The following SLC7A14 variants were observed in gnomAD, a reference collection of about 807,000 sequenced individuals.
SLC7A14 encodes gamma-aminobutyric acid transporter SLC7A14.
SLC7A14 carries 37 observed loss-of-function variants against 60.2 expected under a neutral mutation model. The observed-to-expected ratio is 0.61, with a 90% CI of 0.47 to 0.81. SLC7A14 has a LOEUF of 0.81. Among genes scored for constraint, SLC7A14 ranks in the 30% least tolerant of loss-of-function variants. SLC7A14 has a pLI of 0.00. For synonymous variants in SLC7A14, 399 were observed against 395.8 expected, an observed-to-expected ratio of 1.01 and a Z score of -0.10; for missense variants, 886 against 982.7, an observed-to-expected ratio of 0.90 and a Z score of 1.32.
At chr3:170,538,888 T>A (rs551999657) in intron 1 of SLC7A14, among the ~76,000 whole-genome samples, 73 of 152,224 alleles carry the variant, frequency 4.8e-4, no homozygotes, top group African/African-American at 1.7e-3. Flanking sequence ...CTATTCACAT[T>A]TCCATGTTCC....
At chr3:170,467,815 C>G (rs529883829) in intron 7 of SLC7A14, among the ~76,000 whole-genome samples, 2 of 152,320 alleles carry the variant, frequency 1.3e-5, no homozygotes, top group South Asian at 4.1e-4. Flanking sequence ...ATTTATGGAT[C>G]AGCAACAGTT....
intron 7 of SLC7A14, among the ~76,000 whole-genome samples, chr3:170,470,491 C>G (rs1739866186): frequency 6.6e-6 from 1 of 151,944 alleles, no homozygotes; most frequent in African/African-American, 2.4e-5. Context: ...GTGTATCACT[C>G]TGTCTTCAAA....
rs1405956795 is a variant in SLC7A14 at position 170,475,838 on chromosome 3, G to A, written c.1993+4451C>T. The stretch of plus-strand genomic sequence containing the variant: ...AGAGATTCTCCTGCCTCAGTCTCCC[G>A]AGTAGCTGGGATTACAGGTGCCCGC... On this transcript the variant is annotated intron_variant, in intron 7 of 7. Transcript: ENST00000231706. Among the ~76,000 whole-genome samples, 7 of 152,084 alleles carry A rather than the reference G, an allele frequency of 4.6e-5. No individual in the cohort carries two copies. The East Asian group carries it at 9.7e-4, about 21-fold the overall frequency.
intron 1 of SLC7A14, among the ~76,000 whole-genome samples, chr3:170,543,956 G>T (rs927735926): frequency 1.3e-5 from 2 of 151,710 alleles, no homozygotes; most frequent in Non-Finnish European, 2.9e-5. Context: ...CACTATGTTG[G>T]CCTGGCTGGT....
chr3:170,484,718 G>A (rs961241003), intron 5 of SLC7A14, among the ~76,000 whole-genome samples: 4 of 152,206 alleles, frequency 2.6e-5, no homozygotes, highest in African/African-American at 9.6e-5. Context: ...CTCATGGTGG[G>A]GGAGGGGCTG....
Position 170,480,991 on chromosome 3 carries a change from A to G in SLC7A14, c.1291T>C (p.Tyr431His), listed in dbSNP as rs1711795939. ...LVSVCVLLLR[Y>H]QPESDIDGFV... ...CCATCAATGTCACTCTCAGGTTGGT[A>G]TCGAAGGAGCAAGACACAGACAGAG... The change falls in exon 7 of 8, where the codon TAC (tyrosine) becomes CAC (histidine). Residue 431 changes from tyrosine to histidine, a missense_variant. Tyr to His is a moderately conservative substitution (Grantham distance 83). Transcript: ENST00000231706. 1 of 1,613,998 alleles carries G rather than the reference A, an allele frequency of 6.2e-7. No homozygotes were observed. Among genetic ancestry groups the G allele is most frequent in the Admixed American group, 1.7e-5 (1 of 59,986 alleles).
At chr3:170,543,900 C>A (rs1378031151) in intron 1 of SLC7A14, among the ~76,000 whole-genome samples, 1 of 151,502 alleles carries the variant, frequency 6.6e-6, no homozygotes, top group Admixed American at 6.6e-5. Context: ...CAGGCATGTG[C>A]CACCATGCCT....
rs188069247 is a variant in SLC7A14, at chr3:170,518,969, C to T, written c.304+7664G>A. ...GGATTGACTGTACTATATCTCCCAT[C>T]TCTGGTCCAAACTTTCCATAAAAGT... is the stretch of plus-strand genomic sequence containing the variant. On this transcript the variant is annotated intron_variant, in intron 2 of 7. Coordinates refer to ENST00000231706, the MANE Select transcript of SLC7A14 (RefSeq NM_020949.3). Among the ~76,000 whole-genome samples, 89 of 152,286 alleles carry T rather than the reference C, an allele frequency of 5.8e-4. 2 individuals are homozygous for T. In the South Asian group the frequency reaches 0.013, roughly 22 times the overall value.
chr3:170,465,932 T>A lies in SLC7A14; in HGVS notation c.*1123A>T, dbSNP rs770230968. ...GCTTCAGTGAAACTACTCTGGGAAA[T>A]AACAGGAAAAAAAAATACACCTCTG... On this transcript the variant is annotated 3_prime_UTR_variant, in exon 8 of 8. Transcript: ENST00000231706. The A allele has an allele frequency of 2.6e-5, 4 of 151,842 alleles. No homozygotes were observed. Among genetic ancestry groups the A allele is most frequent in the Non-Finnish European group, 5.9e-5 (4 of 67,936 alleles). The allele number at this position is 151,842 out of a possible 1,614,324, so 9.4% of individuals were successfully genotyped here.
intron 2 of SLC7A14, among the ~76,000 whole-genome samples, chr3:170,505,560 G>T (rs530788616): frequency 1.3e-5 from 2 of 152,236 alleles, no homozygotes; most frequent in Non-Finnish European, 2.9e-5. Flanking sequence ...AATGAATTTG[G>T]GTGTACTAGG....
intron 2 of SLC7A14, among the ~76,000 whole-genome samples, chr3:170,503,613 A>T (rs924325620): frequency 6.6e-6 from 1 of 152,118 alleles, no homozygotes; most frequent in Non-Finnish European, 1.5e-5. Context: ...CAACTTTACC[A>T]CCTGATATTG....
At chr3:170,544,823 T>G (rs1356945708) in intron 1 of SLC7A14, among the ~76,000 whole-genome samples, 1 of 152,198 alleles carries the variant, frequency 6.6e-6, no homozygotes, top group Non-Finnish European at 1.5e-5. Flanking sequence ...CACAGAGCAG[T>G]TAACATTTGT....
At chr3:170,509,757 C>G (rs1712907655) in intron 2 of SLC7A14, among the ~76,000 whole-genome samples, 1 of 151,438 alleles carries the variant, frequency 6.6e-6, no homozygotes, top group African/African-American at 2.4e-5. Context: ...CCAGCCTGAC[C>G]AACATGGAGA....
chr3:170,539,034 A>G (rs1344443768), intron 1 of SLC7A14, among the ~76,000 whole-genome samples: 1 of 152,242 alleles, frequency 6.6e-6, no homozygotes, highest in Non-Finnish European at 1.5e-5. Flanking sequence ...TAAACACTTG[A>G]GAGCTAGGAT....
chr3:170,494,338 C>A (rs1434638083), intron 4 of SLC7A14, among the ~76,000 whole-genome samples: 1 of 152,210 alleles, frequency 6.6e-6, no homozygotes, highest in Non-Finnish European at 1.5e-5. Flanking sequence ...CTTTCTTATG[C>A]CTGACTTCTG....
chr3:170,541,686 C>T (rs577165240), intron 1 of SLC7A14, among the ~76,000 whole-genome samples: 1 of 152,126 alleles, frequency 6.6e-6, no homozygotes, highest in Non-Finnish European at 1.5e-5. Context: ...ATTTTATTCT[C>T]TTCTAAAGGC....
At chr3:170,471,500 A>G (rs1291545840) in intron 7 of SLC7A14, among the ~76,000 whole-genome samples, 4 of 152,222 alleles carry the variant, frequency 2.6e-5, no homozygotes, top group Non-Finnish European at 4.4e-5. Flanking sequence ...CATCACAACT[A>G]AAAATTAATA....
At chr3:170,512,687 G>C (rs1480725317) in intron 2 of SLC7A14, among the ~76,000 whole-genome samples, 1 of 61,270 alleles carries the variant, frequency 1.6e-5, no homozygotes, top group African/African-American at 4.2e-5. Context: ...TTTTTGAGAC[G>C]GAGTCTCGCT....
intron 7 of SLC7A14, among the ~76,000 whole-genome samples, chr3:170,471,090 GGTGTGTGTGTGTGT>G (rs113891859): frequency 6.8e-6 from 1 of 146,356 alleles, no homozygotes; most frequent in Non-Finnish European, 1.5e-5. Flanking sequence ...TCTGGGAAGG[GGTGTGTGTGTGTGT>G]GTGTGTGTGT....
Sources: allele counts gnomAD v4.1 joint callset (sites outside exome capture counted in the v4.1 genomes callset), GRCh38; gene constraint gnomAD v4.1.1; transcripts MANE v1.5; gene names NCBI Gene and HGNC (gene_info 2026-07-23, HGNC 2026-07-21).